CD53: variants seen among roughly 807,000 people sequenced by gnomAD.
CD53 encodes CD53 molecule.
CD53 carries 20 observed loss-of-function variants against 27.3 expected under a neutral mutation model. The ratio of observed to expected loss-of-function variants is 0.73; its 90% CI spans 0.52 to 1.07. CD53 has a LOEUF of 1.07. Ranked by LOEUF, CD53 falls within the 50% of genes least tolerant of loss-of-function variation. CD53 has a pLI of 0.00. For missense variants in CD53, 216 were observed against 264.0 expected, an observed-to-expected ratio of 0.82 and a Z score of 1.26; for synonymous variants, 106 against 105.3, an observed-to-expected ratio of 1.01 and a Z score of -0.04.
chr1:110,890,883 T>G (rs1656823556), intron 1 of CD53, among the ~76,000 whole-genome samples: 1 of 152,240 alleles, frequency 6.6e-6, no homozygotes, highest in Non-Finnish European at 1.5e-5. Context: ...AATAAAAGAA[T>G]AAATGAGGCG....
intron 1 of CD53, among the ~76,000 whole-genome samples, chr1:110,876,655 A>T (rs962871795): frequency 6.6e-6 from 1 of 152,066 alleles, no homozygotes; most frequent in African/African-American, 2.4e-5. Flanking sequence ...GAATTATTCC[A>T]TAGTTTAGTC....
At chr1:110,873,656 T>G (rs948397644) in intron 1 of CD53, among the ~76,000 whole-genome samples, 2 of 152,144 alleles carry the variant, frequency 1.3e-5, no homozygotes, top group African/African-American at 4.8e-5. Flanking sequence ...AGAGCTGTCT[T>G]TAGAAAGACA....
At chr1:110,871,814 T>TAGACAC (rs3220978), upstream of CD53, among the ~76,000 whole-genome samples, 24 of 145,772 alleles carry the variant, frequency 1.6e-4, no homozygotes, top group Non-Finnish European at 3.3e-4. Flanking sequence ...CAAGAGAAAC[T>TAGACAC]ACACACACAC....
chr1:110,894,416 C>G lies in CD53; in HGVS notation c.327+15C>G. ...ATGAACAGAAGGTAAGTTATAAAGACAACAACTTATTGTCTTAATACTGAA... is the reference window on the plus strand; with the variant it reads ...ATGAACAGAAGGTAAGTTATAAAGAGAACAACTTATTGTCTTAATACTGAA... On this transcript the variant is annotated intron_variant, in intron 4 of 7. Coordinates refer to ENST00000271324, the MANE Select transcript of CD53 (RefSeq NM_000560.4). The G allele has an allele frequency of 1.3e-6, 2 of 1,598,186 alleles. No homozygotes were observed. Among genetic ancestry groups the G allele is most frequent in the Non-Finnish European group, 1.7e-6 (2 of 1,165,540 alleles).
At chr1:110,878,641 A>G (rs921789610) in intron 1 of CD53, among the ~76,000 whole-genome samples, 4 of 152,194 alleles carry the variant, frequency 2.6e-5, no homozygotes, top group African/African-American at 7.2e-5. Context: ...GTTTGAATGG[A>G]GTAAGAAATG....
chr1:110,874,114 C>T (rs1367612806), intron 1 of CD53, among the ~76,000 whole-genome samples: 1 of 152,152 alleles, frequency 6.6e-6, no homozygotes, highest in Non-Finnish European at 1.5e-5. Context: ...TCTTCCAAGA[C>T]CTGTGAGAAT....
At chr1:110,894,201 C>A (rs998781711) in intron 3 of CD53, 126 bp from the exon 4 acceptor site, 19 of 748,206 alleles carry the variant, frequency 2.5e-5, no homozygotes, top group Non-Finnish European at 4.3e-5. Flanking sequence ...AGGCTTACAA[C>A]GGCCTGAGGA....
At chr1:110,880,205 G>A (rs1656303162) in intron 1 of CD53, 1 of 152,162 alleles carries the variant, frequency 6.6e-6, no homozygotes, top group African/African-American at 2.4e-5. Flanking sequence ...GGTTCCTCTA[G>A]ATGGTAGTTG....
At chr1:110,893,418 G>A (rs1040502512) in intron 3 of CD53, among the ~76,000 whole-genome samples, 4 of 152,144 alleles carry the variant, frequency 2.6e-5, no homozygotes, top group Non-Finnish European at 1.5e-5. Flanking sequence ...CGCCTCCCGG[G>A]TTCAAGCCAT....
intron 1 of CD53, among the ~76,000 whole-genome samples, chr1:110,874,947 G>T (rs1656066672): frequency 1.3e-5 from 2 of 152,184 alleles, no homozygotes; most frequent in Non-Finnish European, 2.9e-5. Flanking sequence ...TAACAGAAAA[G>T]ATTATCATCT....
intron 1 of CD53, among the ~76,000 whole-genome samples, chr1:110,879,908 T>G (rs1391877727): frequency 1.3e-5 from 2 of 152,098 alleles, no homozygotes; most frequent in Non-Finnish European, 2.9e-5. Flanking sequence ...CTTAACCACT[T>G]CTAAGCTTGA....
chr1:110,886,875 T>A (rs1352464910), intron 1 of CD53, among the ~76,000 whole-genome samples: 2 of 86,784 alleles, frequency 2.3e-5, no homozygotes, highest in African/African-American at 3.2e-5. Context: ...ATATATTTTT[T>A]TTTTCTGTCT....
intron 6 of CD53, among the ~76,000 whole-genome samples, chr1:110,897,146 G>T (rs1275796836): frequency 6.6e-6 from 1 of 152,190 alleles, no homozygotes; most frequent in African/African-American, 2.4e-5. Flanking sequence ...GCCCCTTAGG[G>T]AAATGAATCA....
upstream of CD53, among the ~76,000 whole-genome samples, chr1:110,871,681 C>G (rs555812758): frequency 4.6e-5 from 7 of 152,172 alleles, no homozygotes; most frequent in Non-Finnish European, 1.0e-4. Flanking sequence ...CTCCTCAGCC[C>G]CACCACTTCA....
chr1:110,871,601 A>G (rs774879012), upstream of CD53, among the ~76,000 whole-genome samples: 10 of 152,118 alleles, frequency 6.6e-5, no homozygotes, highest in Non-Finnish European at 1.2e-4. Context: ...TCTTTGGAAC[A>G]GACAGATAGT....
intron 1 of CD53, among the ~76,000 whole-genome samples, chr1:110,876,144 T>G (rs1412754265): frequency 6.6e-6 from 1 of 152,212 alleles, no homozygotes. Flanking sequence ...GTATCTTAAC[T>G]CACAATGAGA....
chr1:110,890,591 GA>G lies in CD53; in HGVS notation c.-17-798del, dbSNP rs1178328723. Among the ~76,000 whole-genome samples the G allele has an allele frequency of 2.8e-3, 432 of 151,742 alleles. 2 individuals carry two copies. The highest frequency in any genetic ancestry group is 0.01 in the African/African-American group (416 of 41,398). On this transcript the variant is annotated intron_variant, in intron 1 of 7. Coordinates refer to ENST00000271324, the MANE Select transcript of CD53 (RefSeq NM_000560.4). The stretch of plus-strand genomic sequence containing the variant: ...GAAGAAAGAAAGAAAGAGAGAAAGA[GA>G]AAGAGAAAGGAAAGGAAAGCGAAAA...
intron 1 of CD53, among the ~76,000 whole-genome samples, chr1:110,882,820 T>A (rs1242884105): frequency 6.6e-6 from 1 of 152,078 alleles, no homozygotes; most frequent in African/African-American, 2.4e-5. Context: ...TCATATATGA[T>A]GCTATTGTAA....
intron 1 of CD53, among the ~76,000 whole-genome samples, chr1:110,875,944 A>T (rs1278112000): frequency 6.6e-6 from 1 of 152,224 alleles, no homozygotes; most frequent in Non-Finnish European, 1.5e-5. Context: ...TATCCATTTC[A>T]TAAGCACACA....
Sources: gnomAD v4.1 joint callset for allele counts (sites outside exome capture counted in the v4.1 genomes callset) on GRCh38, gnomAD v4.1.1 for gene constraint, MANE v1.5 for transcripts, NCBI Gene and HGNC (gene_info 2026-07-23, HGNC 2026-07-21) for gene names.